The following CHST11 variants were observed in gnomAD, a reference collection of about 807,000 sequenced individuals.
The protein encoded by CHST11 is carbohydrate sulfotransferase 11.
A neutral mutation model predicts 30.4 loss-of-function variants in CHST11; 9 were observed. That is an observed-to-expected ratio of 0.30 (90% CI 0.18 to 0.52). CHST11 has a LOEUF of 0.52. Among genes scored for constraint, CHST11 ranks in the 20% least tolerant of loss-of-function variants. The pLI, the probability that CHST11 is intolerant of heterozygous loss-of-function variation, is 0.97. For missense variants in CHST11, 348 were observed against 460.6 expected (o/e 0.76, Z 2.24); for synonymous variants, 152 against 187.8 (o/e 0.81, Z 1.56).
intron 1 of CHST11, among the ~76,000 whole-genome samples, chr12:104,532,579 G>T (rs1344648336): frequency 6.6e-6 from 1 of 152,106 alleles, no homozygotes; most frequent in Non-Finnish European, 1.5e-5. Context: ...CACCAGCTCA[G>T]AAGCTCTCTA....
At position 104,761,810 on chromosome 12, in the gene CHST11, G is replaced by C. The variant is rs1459387613; in HGVS notation, c.*4007G>C. The C allele has an allele frequency of 6.6e-6, 1 of 152,212 alleles. No homozygotes were observed. Among genetic ancestry groups the C allele is most frequent in the African/African-American group, 2.4e-5 (1 of 41,436 alleles). The allele number at this position is 152,212 out of a possible 1,614,324, so 9.4% of individuals were successfully genotyped here. A position where few individuals can be genotyped will look rare whatever the true frequency, so the allele number is the denominator to read the frequency against. On this transcript the variant is annotated 3_prime_UTR_variant, in exon 3 of 3. Coordinates refer to ENST00000303694, the MANE Select transcript of CHST11 (RefSeq NM_018413.6). ...ACATGTAATGTCACATCTTTGTGGA[G>C]TGTGATTTTCTTTTTTCACATATTT... is the stretch of plus-strand genomic sequence containing the variant.
At position 104,542,992 on chromosome 12, in the gene CHST11, A is replaced by T. The variant is rs116696730; in HGVS notation, c.119-58914A>T. Among the ~76,000 whole-genome samples the T allele has an allele frequency of 2.4e-3, 371 of 152,322 alleles. 1 individual carries two copies. The highest frequency in any genetic ancestry group is 8.7e-3 in the African/African-American group (361 of 41,554). On this transcript the variant is annotated intron_variant, in intron 1 of 2. Coordinates refer to ENST00000303694, the MANE Select transcript of CHST11 (RefSeq NM_018413.6). The stretch of plus-strand genomic sequence containing the variant: ...AGTCCATTTGTGTTGCTATAAAGGG[A>T]TACCTGAGGCTGGGCAATTTATAGA...
At chr12:104,648,643 C>G (rs2039460118) in intron 2 of CHST11, among the ~76,000 whole-genome samples, 1 of 152,032 alleles carries the variant, frequency 6.6e-6, no homozygotes, top group African/African-American at 2.4e-5. Flanking sequence ...AACCCCATCT[C>G]TACTAAAAAT....
intron 2 of CHST11, among the ~76,000 whole-genome samples, chr12:104,624,709 G>A (rs1208524068): frequency 6.6e-6 from 1 of 152,156 alleles, no homozygotes; most frequent in Non-Finnish European, 1.5e-5. Flanking sequence ...CATTTTCCCA[G>A]GTGTGTTAGT....
chr12:104,457,799 T>G (rs575507035), intron 1 of CHST11, among the ~76,000 whole-genome samples: 1 of 148,174 alleles, frequency 6.7e-6, no homozygotes, highest in South Asian at 2.1e-4. Context: ...TTTTTTTTTT[T>G]TTTTTCTTCT....
chr12:104,723,671 G>A (rs1168429843), intron 2 of CHST11, among the ~76,000 whole-genome samples: 1 of 152,154 alleles, frequency 6.6e-6, no homozygotes, highest in Non-Finnish European at 1.5e-5. Flanking sequence ...TCTGGGGTGA[G>A]GGGCTGCCTT....
At chr12:104,618,866 A>G (rs549191724) in intron 2 of CHST11, among the ~76,000 whole-genome samples, 1 of 152,332 alleles carries the variant, frequency 6.6e-6, no homozygotes, top group African/African-American at 2.4e-5. Context: ...GGACCAGGCG[A>G]GGCCACCTCC....
At chr12:104,580,865 TA>T (rs2038736008) in intron 1 of CHST11, among the ~76,000 whole-genome samples, 1 of 152,216 alleles carries the variant, frequency 6.6e-6, no homozygotes, top group South Asian at 2.1e-4. Context: ...GTGCTGGGAT[TA>T]AAAGCATGAG....
intron 2 of CHST11, among the ~76,000 whole-genome samples, chr12:104,682,539 T>G (rs1248137018): frequency 1.3e-5 from 2 of 152,248 alleles, no homozygotes; most frequent in African/African-American, 4.8e-5. Context: ...TGATATCAGT[T>G]GACTCCTGGT....
chr12:104,566,537 T>G (rs933402961), intron 1 of CHST11, among the ~76,000 whole-genome samples: 3 of 152,128 alleles, frequency 2.0e-5, no homozygotes, highest in African/African-American at 7.2e-5. Flanking sequence ...ACTTTGTGAC[T>G]TTCACCTGAG....
intron 2 of CHST11, among the ~76,000 whole-genome samples, chr12:104,655,170 C>T (rs1328164197): frequency 3.3e-5 from 5 of 152,212 alleles, no homozygotes; most frequent in South Asian, 2.1e-4. Flanking sequence ...GTCAAGTTGA[C>T]GGGGAAGGTT....
At chr12:104,713,788 T>C (rs557125491) in intron 2 of CHST11, among the ~76,000 whole-genome samples, 2 of 152,288 alleles carry the variant, frequency 1.3e-5, no homozygotes, top group South Asian at 4.1e-4. Flanking sequence ...AGCCAGGGCT[T>C]CCTAACCGGT....
chr12:104,484,580 G>T (rs912984190), intron 1 of CHST11, among the ~76,000 whole-genome samples: 1 of 152,180 alleles, frequency 6.6e-6, no homozygotes, highest in African/African-American at 2.4e-5. Context: ...TTATGGTGAG[G>T]TCTACATTTA....
intron 2 of CHST11, among the ~76,000 whole-genome samples, chr12:104,659,797 C>G (rs1471257977): frequency 5.9e-5 from 9 of 151,274 alleles, no homozygotes; most frequent in African/African-American, 2.2e-4. Context: ...GAGACCCCCC[C>G]CCGCCCCCAC....
intron 1 of CHST11, among the ~76,000 whole-genome samples, chr12:104,485,517 G>C (rs2037668986): frequency 6.6e-6 from 1 of 152,176 alleles, no homozygotes; most frequent in Non-Finnish European, 1.5e-5. Context: ...CTGGCCTTCT[G>C]CTCACCGCAG....
intron 2 of CHST11, among the ~76,000 whole-genome samples, chr12:104,752,555 T>C (rs2040441993): frequency 6.6e-6 from 1 of 152,018 alleles, no homozygotes; most frequent in African/African-American, 2.4e-5. Flanking sequence ...TGAGACAGAG[T>C]CTCACTCTGT....
intron 2 of CHST11, among the ~76,000 whole-genome samples, chr12:104,635,407 T>C (rs1461985398): frequency 1.3e-5 from 2 of 152,204 alleles, no homozygotes; most frequent in African/African-American, 4.8e-5. Context: ...AGTGTTTTGA[T>C]ATAAACCCAG....
intron 1 of CHST11, among the ~76,000 whole-genome samples, chr12:104,459,805 T>A (rs2037390157): frequency 6.6e-6 from 1 of 152,198 alleles, no homozygotes; most frequent in African/African-American, 2.4e-5. Flanking sequence ...CTCCCATTGT[T>A]TATTATTTAG....
intron 2 of CHST11, among the ~76,000 whole-genome samples, chr12:104,607,469 A>G (rs1204411973): frequency 2.0e-5 from 3 of 152,184 alleles, no homozygotes; most frequent in Admixed American, 2.0e-4. Flanking sequence ...TAAGCGGTAT[A>G]TAATAGAAGC....
Sources: gnomAD v4.1 joint callset for allele counts (sites outside exome capture counted in the v4.1 genomes callset) on GRCh38, gnomAD v4.1.1 for gene constraint, MANE v1.5 for transcripts, NCBI Gene and HGNC (gene_info 2026-07-23, HGNC 2026-07-21) for gene names.